Variants in ASPRV1 observed in about 807,000 individuals in gnomAD.
ASPRV1 encodes aspartic peptidase retroviral like 1.
A neutral mutation model predicts 11.0 loss-of-function variants in ASPRV1; 7 were observed. That is an observed-to-expected ratio of 0.64 (90% confidence interval 0.36 to 1.20). ASPRV1 has a LOEUF of 1.20. Among genes scored for constraint, ASPRV1 ranks in the 50% most tolerant of loss-of-function variants. The pLI, the probability that ASPRV1 is intolerant of heterozygous loss-of-function variation, is 0.02. For synonymous variants in ASPRV1, 136 were observed against 138.4 expected, an observed-to-expected ratio of 0.98 and a Z score of 0.12; for missense variants, 299 against 320.0, an observed-to-expected ratio of 0.93 and a Z score of 0.50.
At chr2:70,087,207 G>C in the ASPRV1 span, 1 of 152,246 alleles carries the variant, frequency 6.6e-6, no homozygotes, top group Non-Finnish European at 1.5e-5. Context: ...CACAGCACTA[G>C]TATTTTCAGT....
At chr2:70,024,627 C>G in the ASPRV1 span, among the ~76,000 whole-genome samples, 1 of 152,160 alleles carries the variant, frequency 6.6e-6, no homozygotes, top group African/African-American at 2.4e-5. Flanking sequence ...CCTCTCCTCA[C>G]TTCTTCTCCC....
the ASPRV1 span, chr2:69,993,753 A>G: frequency 6.6e-6 from 1 of 152,338 alleles, no homozygotes; most frequent in African/African-American, 2.4e-5. Context: ...CATTATCCCT[A>G]TGGAATGGGA....
At chr2:69,970,518 C>T in the ASPRV1 span, among the ~76,000 whole-genome samples, 1 of 152,204 alleles carries the variant, frequency 6.6e-6, no homozygotes, top group East Asian at 1.9e-4. Flanking sequence ...AGCCCTCTGA[C>T]ACCCCTGTTC....
chr2:69,940,071 A>G, the ASPRV1 span: 1 of 107,258 alleles, frequency 9.3e-6, no homozygotes, highest in African/African-American at 3.7e-5. Flanking sequence ...GTCACCTGTA[A>G]TTCTTCTGTT....
chr2:70,005,610 C>A, the ASPRV1 span, among the ~76,000 whole-genome samples: 1 of 152,100 alleles, frequency 6.6e-6, no homozygotes, highest in Non-Finnish European at 1.5e-5. Flanking sequence ...TAAATTCTAT[C>A]TGGTTTAATA....
the ASPRV1 span, among the ~76,000 whole-genome samples, chr2:70,082,697 CG>C: frequency 6.6e-6 from 1 of 152,068 alleles, no homozygotes; most frequent in Non-Finnish European, 1.5e-5. Flanking sequence ...GCAACAAGCG[CG>C]AAACTCTGTC....
chr2:70,063,734 A>T, the ASPRV1 span, among the ~76,000 whole-genome samples: 3 of 152,118 alleles, frequency 2.0e-5, no homozygotes, highest in South Asian at 2.1e-4. Flanking sequence ...AGTAATATAC[A>T]CTCTCACTCA....
the ASPRV1 span, among the ~76,000 whole-genome samples, chr2:70,022,387 A>G: frequency 2.1e-5 from 3 of 142,546 alleles, no homozygotes; most frequent in East Asian, 7.0e-4. Flanking sequence ...ACACACACAC[A>G]CACACAAACA....
chr2:69,947,766 G>T, the ASPRV1 span, among the ~76,000 whole-genome samples: 2 of 151,994 alleles, frequency 1.3e-5, no homozygotes, highest in African/African-American at 4.8e-5. Flanking sequence ...TGGTTTTTTT[G>T]TTTGTTTGTT....
the ASPRV1 span, among the ~76,000 whole-genome samples, chr2:69,943,396 G>A: frequency 1.3e-5 from 2 of 152,150 alleles, no homozygotes; most frequent in Non-Finnish European, 1.5e-5. Context: ...TGGTGCATTC[G>A]AGCTGGGCCC....
chr2:70,049,516 CAT>C, the ASPRV1 span: 28 of 152,126 alleles, frequency 1.8e-4, no homozygotes, highest in African/African-American at 4.6e-4. Flanking sequence ...AGCTAGAGCA[CAT>C]GTTTATTACC....
chr2:69,992,188 A>C, the ASPRV1 span, among the ~76,000 whole-genome samples: 1 of 152,146 alleles, frequency 6.6e-6, no homozygotes, highest in East Asian at 1.9e-4. Context: ...TTCTCAAGGG[A>C]AGTAGAATTG....
the ASPRV1 span, chr2:69,996,605 G>A: frequency 8.3e-5 from 35 of 420,770 alleles, no homozygotes; most frequent in East Asian, 4.3e-4. Flanking sequence ...GGAATGCAAC[G>A]TCTTTCATTA....
the ASPRV1 span, chr2:70,077,384 T>C: frequency 1.3e-5 from 2 of 152,090 alleles, no homozygotes; most frequent in African/African-American, 2.4e-5. Flanking sequence ...GATAAGTACT[T>C]GGGTGGAGAA....
the ASPRV1 span, chr2:70,030,865 A>T: frequency 6.6e-6 from 1 of 152,216 alleles, no homozygotes; most frequent in Non-Finnish European, 1.5e-5. Flanking sequence ...TTCAATAAAC[A>T]TATGCTGAAT....
At chr2:69,958,234 G>T (rs979037713), downstream of ASPRV1, among the ~76,000 whole-genome samples, 9 of 151,994 alleles carry the variant, frequency 5.9e-5, no homozygotes, top group African/African-American at 2.2e-4. Context: ...GCCTCACTCG[G>T]GTCTCCCAGT....
the ASPRV1 span, chr2:69,938,959 CACAA>C: frequency 6.6e-6 from 1 of 152,642 alleles, no homozygotes; most frequent in Non-Finnish European, 1.5e-5. Flanking sequence ...TGTTTGTTCT[CACAA>C]ACAAAACGGT....
At chr2:70,064,084 A>C in the ASPRV1 span, 1 of 152,170 alleles carries the variant, frequency 6.6e-6, no homozygotes, top group Admixed American at 6.6e-5. Context: ...CTCAGGACAC[A>C]TGCTCCCTTC....
the ASPRV1 span, among the ~76,000 whole-genome samples, chr2:70,010,759 A>G: frequency 1.3e-5 from 2 of 152,174 alleles, no homozygotes; most frequent in African/African-American, 4.8e-5. Flanking sequence ...CCTCAGACTC[A>G]GCCCTCAGTC....
Sources: gnomAD v4.1 joint callset for allele counts (sites outside exome capture counted in the v4.1 genomes callset) on GRCh38, gnomAD v4.1.1 for gene constraint, MANE v1.5 for transcripts, NCBI Gene and HGNC (gene_info 2026-07-23, HGNC 2026-07-21) for gene names.